The following C7 variants were observed in gnomAD, a reference collection of about 807,000 sequenced individuals.
C7 encodes complement C7.
Under a neutral mutation model 104.8 loss-of-function variants are expected in C7, and 83 were observed. The observed-to-expected ratio is 0.79, with a 90% CI of 0.66 to 0.95. The LOEUF is 0.95. C7 is among the 40% of genes least tolerant of loss of function. C7 has a pLI of 0.00. For synonymous variants in C7, 415 were observed against 360.6 expected, an observed-to-expected ratio of 1.15 and a Z score of -1.71; for missense variants, 1,070 against 1,011.2, an observed-to-expected ratio of 1.06 and a Z score of -0.79.
At chr5:40,947,574 C>T (rs1308122580) in intron 7 of C7, 28 bp from the exon 8 acceptor site, 1 of 1,610,726 alleles carries the variant, frequency 6.2e-7, no homozygotes, top group South Asian at 1.1e-5. Context: ...CCACCTAAAA[C>T]TCCTTGTACT....
At position 40,971,927 on chromosome 5, in the gene C7, C is replaced by T. The variant is rs938470549; in HGVS notation, c.1883-476C>T. The T allele has an allele frequency of 1.5e-4, 59 of 388,614 alleles. 1 individual carries two copies. The highest frequency in any genetic ancestry group is 1.2e-3 in the South Asian group (57 of 49,168). The allele number at this position is 388,614 out of a possible 1,614,324, so 24.1% of individuals were successfully genotyped here. A position where few individuals can be genotyped will look rare whatever the true frequency, so the allele number is the denominator to read the frequency against. Reference sequence around the variant, plus strand: ...AGACCTATGAATAATCACTGCTCTCCAGCCTGGGCAACAAGACAGACCCTG... The same window carrying T: ...AGACCTATGAATAATCACTGCTCTCTAGCCTGGGCAACAAGACAGACCCTG... On this transcript the variant is annotated intron_variant, in intron 14 of 17. Coordinates refer to ENST00000313164, the MANE Select transcript of C7 (RefSeq NM_000587.4).
intron 14 of C7, among the ~76,000 whole-genome samples, chr5:40,970,529 G>A (rs970311459): frequency 6.6e-6 from 1 of 152,172 alleles, no homozygotes; most frequent in African/African-American, 2.4e-5. Flanking sequence ...GGTGGCATGT[G>A]CCTGTGATCC....
intron 14 of C7, among the ~76,000 whole-genome samples, chr5:40,970,806 T>C (rs1284302015): frequency 6.6e-6 from 1 of 152,206 alleles, no homozygotes; most frequent in African/African-American, 2.4e-5. Flanking sequence ...CCACTCCCTG[T>C]GCCCATGTGT....
At chr5:40,957,354 C>G (rs1740308356) in intron 10 of C7, among the ~76,000 whole-genome samples, 1 of 152,122 alleles carries the variant, frequency 6.6e-6, no homozygotes, top group Non-Finnish European at 1.5e-5. Flanking sequence ...TCCATGATTT[C>G]CACTAAGAGA....
chr5:40,923,670 C>T (rs1739488893), intron 1 of C7, among the ~76,000 whole-genome samples: 1 of 151,842 alleles, frequency 6.6e-6, no homozygotes, highest in Admixed American at 6.6e-5. Context: ...CACTTGAACC[C>T]AGGGGGTGGA....
rs149088980 is a variant in C7, at chr5:40,951,097, G to A, written c.1093+1083G>A. Among the ~76,000 whole-genome samples, 855 of 152,266 alleles carry A rather than the reference G, an allele frequency of 5.6e-3. 15 individuals carry two copies. Among genetic ancestry groups the A allele is most frequent in the African/African-American group, 0.02 (835 of 41,550 alleles). ...AAAACAAGAGATGGAAAGTAAAGGA[G>A]GAGTGAGGTCAACAGAGTGAAGATA... is the stretch of plus-strand genomic sequence containing the variant. On this transcript the variant is annotated intron_variant, in intron 9 of 17. Coordinates refer to ENST00000313164, the MANE Select transcript of C7 (RefSeq NM_000587.4).
chr5:40,952,517 T>C (rs1354464298), intron 9 of C7, among the ~76,000 whole-genome samples: 1 of 152,036 alleles, frequency 6.6e-6, no homozygotes, highest in African/African-American at 2.4e-5. Context: ...TATTATACTT[T>C]AAGTTCTAGG....
In C7 at chr5:40,947,798, A is replaced by G. The variant is rs545879090; in HGVS notation, c.935A>G (p.Glu312Gly). 1 of 1,613,342 alleles carries G rather than the reference A, an allele frequency of 6.2e-7. No homozygotes were observed. Among genetic ancestry groups the G allele is most frequent in the East Asian group, 2.2e-5 (1 of 44,872 alleles). The change falls in exon 8 of 18, where the codon GAA (glutamate) becomes GGA (glycine). Residue 312 changes from glutamate to glycine, a missense_variant. Coordinates refer to ENST00000313164, the MANE Select transcript of C7 (RefSeq NM_000587.4). ...HYLQSGSLGG[E>G]YRVLFYVDSE... The stretch of plus-strand genomic sequence containing the variant: ...CTGCAATCTGGGTCGTTAGGAGGAG[A>G]ATACAGAGTTCTATTTTATGTGGAC...
Position 40,931,037 on chromosome 5 carries a change from A to G in C7, c.63-27A>G. The stretch of plus-strand genomic sequence containing the variant: ...CCTTGCGTATCTTTCCACCTGCTTT[A>G]TGATGGACAATTTGACACTGTGGCA... On this transcript the variant is annotated intron_variant, in intron 2 of 17. Coordinates refer to ENST00000313164, the MANE Select transcript of C7 (RefSeq NM_000587.4). 5.3e-6 allele frequency: 8 copies of G among 1,522,604 alleles called. No homozygotes were observed. In the South Asian group the frequency reaches 9.0e-5, roughly 17 times the overall value. 94.3% of individuals were successfully genotyped at this position (1,522,604 alleles called of 1,614,324 possible). A position where few individuals can be genotyped will look rare whatever the true frequency, so the allele number is the denominator to read the frequency against.
chr5:40,909,555 C>A lies in C7; in HGVS notation c.-56C>A, dbSNP rs779041347. 2.0e-6 allele frequency: 3 copies of A among 1,485,768 alleles called. No homozygotes were observed. In the East Asian group the frequency reaches 7.0e-5, roughly 35 times the overall value. The allele number at this position is 1,485,768 out of a possible 1,614,324, so 92.0% of individuals were successfully genotyped here. ...CTCTTCCTGCTGTTGAAAACTTACC[C>A]GGCCCTTACAGAGGAAATCTTCCTC... On this transcript the variant is annotated 5_prime_UTR_variant, in exon 1 of 18. Coordinates refer to ENST00000313164, the MANE Select transcript of C7 (RefSeq NM_000587.4).
At chr5:40,967,814 A>C (rs1057025395) in intron 14 of C7, 1 of 155,268 alleles carries the variant, frequency 6.4e-6, no homozygotes, top group Non-Finnish European at 1.4e-5. Flanking sequence ...CTGCAGGCCC[A>C]GTAGTGCTGG....
At chr5:40,940,453 A>G (rs1445692821) in intron 6 of C7, among the ~76,000 whole-genome samples, 1 of 152,178 alleles carries the variant, frequency 6.6e-6, no homozygotes, top group African/African-American at 2.4e-5. Flanking sequence ...ATGAATTATG[A>G]TCAAGGTGGA....
chr5:40,957,458 A>G (rs1740311139), intron 10 of C7, among the ~76,000 whole-genome samples: 1 of 151,136 alleles, frequency 6.6e-6, no homozygotes, highest in Non-Finnish European at 1.5e-5. Context: ...ATTTTATTTT[A>G]TTTTATTTTA....
At chr5:40,923,765 C>T (rs1020339445) in intron 1 of C7, among the ~76,000 whole-genome samples, 11 of 150,730 alleles carry the variant, frequency 7.3e-5, no homozygotes, top group South Asian at 2.1e-4. Flanking sequence ...AAAAAGTATG[C>T]GAGAGGGGGA....
Position 40,979,867 on chromosome 5 carries a change from G to A in C7, c.2308G>A (p.Glu770Lys). The A allele has an allele frequency of 6.2e-7, 1 of 1,606,498 alleles. No individual in the cohort carries two copies. Among genetic ancestry groups the A allele is most frequent in the Non-Finnish European group, 8.5e-7 (1 of 1,175,758 alleles). The change falls in exon 17 of 18, where the codon GAG (glutamate) becomes AAG (lysine). Residue 770 changes from glutamate (E) to lysine (K), a missense_variant. By Grantham distance (56) the Glu-to-Lys change is moderately conservative. Coordinates refer to ENST00000313164, the MANE Select transcript of C7 (RefSeq NM_000587.4). Reference sequence around the variant, plus strand: ...CAGCTGTACTCTGCCTGCCTCAGCTGAGAAAGCTTGTGGTGCCTGCCCACT... The same window carrying A: ...CAGCTGTACTCTGCCTGCCTCAGCTAAGAAAGCTTGTGGTGCCTGCCCACT... ...RDSCTLPASAEKACGACPLWG... is the reference protein window; with the variant it reads ...RDSCTLPASAKKACGACPLWG...
At chr5:40,969,403 A>G (rs1414575479) in intron 14 of C7, among the ~76,000 whole-genome samples, 3 of 149,952 alleles carry the variant, frequency 2.0e-5, no homozygotes, top group Admixed American at 6.7e-5. Flanking sequence ...GTCTGTTTCT[A>G]TTGTTTTTTT....
At chr5:40,964,444 C>G in intron 13 of C7, 1 of 194,648 alleles carries the variant, frequency 5.1e-6, no homozygotes, top group Non-Finnish European at 1.0e-5. Flanking sequence ...ATTATTTGGA[C>G]AGTGTCCAAA....
At chr5:40,964,682 C>A (rs150241786) in intron 13 of C7, 59 bp from the exon 14 acceptor site, 5 of 1,459,614 alleles carry the variant, frequency 3.4e-6, no homozygotes, top group East Asian at 2.3e-5. Flanking sequence ...TGTAAAGAAA[C>A]GTTTTGTTAA....
chr5:40,920,039 A>T (rs533631567), intron 1 of C7, among the ~76,000 whole-genome samples: 2 of 152,158 alleles, frequency 1.3e-5, no homozygotes, highest in African/African-American at 4.8e-5. Context: ...CAAAAGATAG[A>T]TAAAATAAGT....
Sources: allele counts gnomAD v4.1 joint callset (sites outside exome capture counted in the v4.1 genomes callset), GRCh38; gene constraint gnomAD v4.1.1; transcripts MANE v1.5; gene names NCBI Gene and HGNC (gene_info 2026-07-23, HGNC 2026-07-21).